RASGRP3: variants seen among roughly 807,000 people sequenced by gnomAD.
The protein encoded by RASGRP3 is ras guanyl-releasing protein 3.
RASGRP3 carries 54 observed loss-of-function variants against 82.7 expected under a neutral mutation model. The ratio of observed to expected loss-of-function variants is 0.65; its 90% confidence interval spans 0.52 to 0.82. RASGRP3 has a LOEUF of 0.82. RASGRP3 is among the 40% of genes least tolerant of loss of function. The pLI, the probability that RASGRP3 is intolerant of heterozygous loss-of-function variation, is 0.00. For synonymous variants in RASGRP3, 309 were observed against 300.5 expected, an observed-to-expected ratio of 1.03 and a Z score of -0.29; for missense variants, 861 against 828.9, an observed-to-expected ratio of 1.04 and a Z score of -0.48.
At chr2:33,524,234 C>T (rs989731420) in intron 8 of RASGRP3, among the ~76,000 whole-genome samples, 182 bp downstream of exon 8, 1 of 152,118 alleles carries the variant, frequency 6.6e-6, no homozygotes, top group Non-Finnish European at 1.5e-5. Context: ...GAAAGCAATG[C>T]TTAGAAGCAT....
chr2:33,496,805 C>T (rs1669362548), intron 1 of RASGRP3, among the ~76,000 whole-genome samples: 1 of 152,090 alleles, frequency 6.6e-6, no homozygotes, highest in Non-Finnish European at 1.5e-5. Context: ...TGCAGTGAGC[C>T]AAGATTGCAC....
At chr2:33,470,261 G>C (rs563753528) in intron 2 of RASGRP3, among the ~76,000 whole-genome samples, 1 of 152,154 alleles carries the variant, frequency 6.6e-6, no homozygotes, top group South Asian at 2.1e-4. Flanking sequence ...ATACAGAAAT[G>C]TATCAAACTG....
At chr2:33,539,300 C>A (rs994179381) in intron 12 of RASGRP3, 90 bp downstream of exon 12, 2 of 1,059,848 alleles carry the variant, frequency 1.9e-6, no homozygotes, top group Non-Finnish European at 2.8e-6. Flanking sequence ...TCTGATGGAA[C>A]CCCTGAAAAC....
At chr2:33,482,950 C>T (rs1190936130) in intron 1 of RASGRP3, 1 of 151,898 alleles carries the variant, frequency 6.6e-6, no homozygotes, top group Non-Finnish European at 1.5e-5. Flanking sequence ...AATGTCTGAG[C>T]TGACTTGAGC....
chr2:33,515,311 T>C, intron 3 of RASGRP3, 105 bp downstream of exon 3: 1 of 1,275,572 alleles, frequency 7.8e-7, no homozygotes, highest in South Asian at 1.2e-5. Flanking sequence ...CTCTGTACCT[T>C]GGTATTTAAG....
intron 14 of RASGRP3, among the ~76,000 whole-genome samples, chr2:33,554,304 A>G (rs56348900): frequency 6.6e-6 from 1 of 152,216 alleles, no homozygotes; most frequent in East Asian, 1.9e-4. Flanking sequence ...CTGCTTTTTC[A>G]ACATTATTTT....
intron 1 of RASGRP3, among the ~76,000 whole-genome samples, chr2:33,439,524 A>G (rs1283707635): frequency 6.6e-6 from 1 of 152,238 alleles, no homozygotes; most frequent in African/African-American, 2.4e-5. Flanking sequence ...GATAAACAAC[A>G]AACACTTTTT....
intron 13 of RASGRP3, among the ~76,000 whole-genome samples, chr2:33,544,063 C>T (rs1320873061): frequency 6.6e-6 from 1 of 152,152 alleles, no homozygotes; most frequent in Non-Finnish European, 1.5e-5. Flanking sequence ...CCTGTAATCC[C>T]AGCACTTTGG....
chr2:33,442,679 C>G (rs1665290157), intron 1 of RASGRP3, among the ~76,000 whole-genome samples: 1 of 152,158 alleles, frequency 6.6e-6, no homozygotes, highest in Admixed American at 6.5e-5. Flanking sequence ...CAGCAGGAAA[C>G]AAAGACATGC....
At chr2:33,452,058 A>G (rs1665828482) in intron 2 of RASGRP3, among the ~76,000 whole-genome samples, 1 of 152,086 alleles carries the variant, frequency 6.6e-6, no homozygotes, top group African/African-American at 2.4e-5. Context: ...CTTTAGATCC[A>G]GAATTTCTGC....
chr2:33,543,255 T>C (rs1340720545), intron 12 of RASGRP3, among the ~76,000 whole-genome samples: 1 of 152,200 alleles, frequency 6.6e-6, no homozygotes, highest in Non-Finnish European at 1.5e-5. Flanking sequence ...GCTCAAGTGA[T>C]CTTCCCACCT....
intron 1 of RASGRP3, among the ~76,000 whole-genome samples, chr2:33,486,304 C>T (rs1393268412): frequency 1.3e-5 from 2 of 151,998 alleles, no homozygotes; most frequent in African/African-American, 2.4e-5. Flanking sequence ...ACTGGGATTA[C>T]AGGTGCCCAC....
At chr2:33,517,934 T>A (rs1671622327) in intron 4 of RASGRP3, among the ~76,000 whole-genome samples, 1 of 152,216 alleles carries the variant, frequency 6.6e-6, no homozygotes, top group African/African-American at 2.4e-5. Flanking sequence ...TCATGCTATA[T>A]CCACAGTGCC....
chr2:33,457,069 T>C (rs1033659075), intron 2 of RASGRP3, among the ~76,000 whole-genome samples: 6 of 151,888 alleles, frequency 4.0e-5, no homozygotes, highest in Admixed American at 1.3e-4. Flanking sequence ...TGGGGTTTCC[T>C]TATGTTGACC....
At chr2:33,462,781 A>T (rs918924320) in intron 2 of RASGRP3, among the ~76,000 whole-genome samples, 2 of 152,232 alleles carry the variant, frequency 1.3e-5, no homozygotes. Flanking sequence ...AAAAGAATTT[A>T]AATATTTACT....
intron 11 of RASGRP3, among the ~76,000 whole-genome samples, chr2:33,535,029 C>G (rs1168443774): frequency 6.6e-6 from 1 of 152,134 alleles, no homozygotes; most frequent in East Asian, 1.9e-4. Context: ...GGAGTAATAA[C>G]TCATCTTAAT....
intron 10 of RASGRP3, chr2:33,532,647 C>T (rs923220255): frequency 2.0e-5 from 3 of 152,058 alleles, no homozygotes; most frequent in South Asian, 2.1e-4. Context: ...AAGGTGAATA[C>T]GATGTCTCTT....
intron 1 of RASGRP3, among the ~76,000 whole-genome samples, chr2:33,490,618 C>G (rs905905486): frequency 6.6e-6 from 1 of 152,216 alleles, no homozygotes; most frequent in African/African-American, 2.4e-5. Flanking sequence ...TCCTCCTCCC[C>G]TCTCTGACCT....
At chr2:33,463,112 G>A (rs1278336743) in intron 2 of RASGRP3, among the ~76,000 whole-genome samples, 1 of 152,196 alleles carries the variant, frequency 6.6e-6, no homozygotes, top group East Asian at 1.9e-4. Flanking sequence ...GAAACTTGCT[G>A]TCAAATCAAA....
Sources: allele counts gnomAD v4.1 joint callset (sites outside exome capture counted in the v4.1 genomes callset), GRCh38; gene constraint gnomAD v4.1.1; transcripts MANE v1.5; gene names NCBI Gene and HGNC (gene_info 2026-07-23, HGNC 2026-07-21).